Variants in TMEM232 observed in about 807,000 individuals in gnomAD.
TMEM232 encodes transmembrane protein 232.
In TMEM232, 80 loss-of-function variants were observed where a neutral mutation model predicts 78.8. The observed-to-expected ratio is 1.01, with a 90% CI of 0.85 to 1.22. The LOEUF (loss-of-function observed/expected upper bound fraction) is 1.22, where lower values mean the gene tolerates loss of function less well. TMEM232 is among the 50% of genes most tolerant of loss of function. The pLI is 0.00. For synonymous variants in TMEM232, 297 were observed against 254.3 expected (o/e 1.17, Z -1.60); for missense variants, 881 against 742.2 (o/e 1.19, Z -2.17).
intron 12 of TMEM232, among the ~76,000 whole-genome samples, chr5:110,442,802 C>T (rs994361302): frequency 6.6e-6 from 1 of 152,102 alleles, no homozygotes; most frequent in Non-Finnish European, 1.5e-5. Flanking sequence ...GGATTTGAAT[C>T]CCAAGCCCAA....
At chr5:110,408,096 A>T (rs1024233205) in intron 2 of TMEM232, among the ~76,000 whole-genome samples, 4 of 152,174 alleles carry the variant, frequency 2.6e-5, no homozygotes, top group African/African-American at 4.8e-5. Flanking sequence ...ACAACAAAAG[A>T]TACAACAAAA....
At chr5:110,667,408 T>G in intron 1 of TMEM232, 44 bp from the exon 2 acceptor site, 1 of 1,385,912 alleles carries the variant, frequency 7.2e-7, no homozygotes, top group Non-Finnish European at 9.5e-7. Flanking sequence ...AATGCACTCA[T>G]AGTATCAAAC....
Position 110,642,295 on chromosome 5 carries a change from A to G in TMEM232, c.202T>C (p.Leu68=), listed in dbSNP as rs1222750309. 4 of 1,539,638 alleles carry G rather than the reference A, an allele frequency of 2.6e-6. No homozygotes were observed. The highest frequency in any genetic ancestry group is 2.6e-6 in the Non-Finnish European group (3 of 1,142,720). ...AGAATGATTTTTCTAGCTAGTTCCA[A>G]CAATTCTTCCTTCTCTTTGGAATTT... ...TQNSKEKEEL[L]ELARKIILRC... Residue 68 remains leucine (L), a synonymous_variant, in exon 3 of 14, where the codon TTG becomes CTG. Coordinates refer to ENST00000455884, the MANE Select transcript of TMEM232 (RefSeq NM_001039763.4).
chr5:110,526,291 A>G (rs116683938), intron 12 of TMEM232, among the ~76,000 whole-genome samples: 2,958 of 151,826 alleles, frequency 0.019, 91 homozygotes, highest in African/African-American at 0.068. Context: ...AAGATGAGAA[A>G]CAATAAGTAT....
chr5:110,705,417 G>A (rs893285951), intron 1 of TMEM232, among the ~76,000 whole-genome samples: 3 of 152,008 alleles, frequency 2.0e-5, no homozygotes, highest in Non-Finnish European at 2.9e-5. Flanking sequence ...GGAATATAAG[G>A]GTTGGAAGCT....
chr5:110,433,728 T>C (rs1758105752), intron 12 of TMEM232, among the ~76,000 whole-genome samples: 1 of 127,738 alleles, frequency 7.8e-6, no homozygotes, highest in Non-Finnish European at 1.6e-5. Flanking sequence ...TATTGTTCAA[T>C]GGTTATGATC....
At chr5:110,622,992 TAATA>T (rs146087253) in intron 7 of TMEM232, among the ~76,000 whole-genome samples, 13,327 of 148,940 alleles carry the variant, frequency 0.089, 681 homozygotes, top group South Asian at 0.19. Context: ...TAAAGTATAA[TAATA>T]AATAAATAAA....
chr5:110,721,050 G>C (rs959092447), intron 1 of TMEM232, among the ~76,000 whole-genome samples: 3 of 152,064 alleles, frequency 2.0e-5, no homozygotes, highest in African/African-American at 7.2e-5. Context: ...AATGCTGAAA[G>C]CCACAATTTA....
At chr5:110,641,027 C>A (rs1200376700) in intron 3 of TMEM232, 31 bp from the exon 4 acceptor site, 2 of 1,327,292 alleles carry the variant, frequency 1.5e-6, no homozygotes, top group South Asian at 1.6e-5. Context: ...AAAGACAAAT[C>A]AAAATGTACA....
chr5:110,476,569 C>G (rs188974391), intron 12 of TMEM232, among the ~76,000 whole-genome samples: 107 of 151,892 alleles, frequency 7.0e-4, no homozygotes, highest in African/African-American at 2.5e-3. Flanking sequence ...TAATAAAATT[C>G]CAAAAAAATG....
At chr5:110,521,945 CTT>C (rs1397219660) in intron 12 of TMEM232, among the ~76,000 whole-genome samples, 1 of 152,090 alleles carries the variant, frequency 6.6e-6, no homozygotes, top group Non-Finnish European at 1.5e-5. Flanking sequence ...TATTCACAAT[CTT>C]TTGTGTTCCC....
chr5:110,447,748 T>C (rs1252048066), intron 12 of TMEM232, among the ~76,000 whole-genome samples: 1 of 151,984 alleles, frequency 6.6e-6, no homozygotes, highest in Non-Finnish European at 1.5e-5. Context: ...TGAAGAAGCA[T>C]GGCAGAAGTG....
At chr5:110,505,495 G>A (rs1766770990) in intron 12 of TMEM232, among the ~76,000 whole-genome samples, 1 of 152,032 alleles carries the variant, frequency 6.6e-6, no homozygotes, top group Admixed American at 6.6e-5. Flanking sequence ...AATACACATT[G>A]TTTTTCTTTT....
At chr5:110,675,548 C>T (rs950220164) in intron 1 of TMEM232, among the ~76,000 whole-genome samples, 1 of 152,138 alleles carries the variant, frequency 6.6e-6, no homozygotes, top group African/African-American at 2.4e-5. Flanking sequence ...TGTATTCTGC[C>T]AACCATCTGG....
intron 12 of TMEM232, among the ~76,000 whole-genome samples, chr5:110,522,826 G>C (rs1183409096): frequency 6.6e-6 from 1 of 152,010 alleles, no homozygotes; most frequent in Non-Finnish European, 1.5e-5. Flanking sequence ...TTACTATTTT[G>C]TTGAGGATTT....
At chr5:110,596,610 C>T (rs1425756040) in intron 10 of TMEM232, among the ~76,000 whole-genome samples, 1 of 152,146 alleles carries the variant, frequency 6.6e-6, no homozygotes, top group Non-Finnish European at 1.5e-5. Flanking sequence ...ATGCAAAAAT[C>T]CTCAGTAAAA....
chr5:110,481,422 T>C (rs1426863067), intron 12 of TMEM232, among the ~76,000 whole-genome samples: 1 of 152,084 alleles, frequency 6.6e-6, no homozygotes, highest in Non-Finnish European at 1.5e-5. Context: ...GATTTTATAT[T>C]TAAAATGAAT....
chr5:110,679,666 C>A (rs1435854319), intron 1 of TMEM232, among the ~76,000 whole-genome samples: 2 of 151,978 alleles, frequency 1.3e-5, no homozygotes, highest in African/African-American at 4.8e-5. Context: ...TCACTAATAT[C>A]TTTGTTTTGT....
At chr5:110,651,866 T>G (rs1298999424) in intron 2 of TMEM232, among the ~76,000 whole-genome samples, 1 of 152,162 alleles carries the variant, frequency 6.6e-6, no homozygotes, top group Non-Finnish European at 1.5e-5. Flanking sequence ...CTCTAAAGCC[T>G]ATAAAAATCT....
Sources: gnomAD v4.1 joint callset for allele counts (sites outside exome capture counted in the v4.1 genomes callset) on GRCh38, gnomAD v4.1.1 for gene constraint, MANE v1.5 for transcripts, NCBI Gene and HGNC (gene_info 2026-07-23, HGNC 2026-07-21) for gene names.